The following ANKRD11 variants were observed in gnomAD, a reference collection of about 807,000 sequenced individuals.
ANKRD11 encodes the protein ankyrin repeat domain 11, also known as ankyrin repeat domain-containing protein 11.
ANKRD11 carries 17 observed loss-of-function variants against 195.7 expected under a neutral mutation model. The ratio of observed to expected loss-of-function variants is 0.09; its 90% CI spans 0.06 to 0.13. ANKRD11 has a LOEUF of 0.13. Ranked by LOEUF, ANKRD11 falls within the 10% of genes least tolerant of loss-of-function variation. The probability of loss-of-function intolerance (pLI) is 1.00; values close to 1 mark genes in which losing one functional copy is unlikely to be tolerated. For synonymous variants in ANKRD11, 1,953 were observed against 1,528.1 expected (o/e 1.28, Z -6.49); for missense variants, 3,735 against 3,566.1 (o/e 1.05, Z -1.21).
chr16:89,299,729 ATGCG>A (rs2035709640), intron 4 of ANKRD11: 1 of 40,722 alleles, frequency 2.5e-5, no homozygotes, highest in South Asian at 2.8e-4. Context: ...CCTGTGTGGG[ATGCG>A]TGGGGTCTGT....
At chr16:89,275,790 C>A (rs1597415266) in intron 9 of ANKRD11, among the ~76,000 whole-genome samples, 1 of 152,208 alleles carries the variant, frequency 6.6e-6, no homozygotes, top group African/African-American at 2.4e-5. Context: ...GGTGGGTCGG[C>A]CATTCTGAAA....
intron 2 of ANKRD11, among the ~76,000 whole-genome samples, chr16:89,342,443 T>A (rs58437408): frequency 0.048 from 7,379 of 152,280 alleles, 648 homozygotes; most frequent in African/African-American, 0.17. Context: ...TGGACCAGGT[T>A]TGCAAAGAAC....
intron 1 of ANKRD11, among the ~76,000 whole-genome samples, chr16:89,421,066 C>T (rs1346191752): frequency 6.6e-6 from 1 of 151,408 alleles, no homozygotes; most frequent in Non-Finnish European, 1.5e-5. Flanking sequence ...TGTGTGATGA[C>T]GGAGTCAGGG....
intron 2 of ANKRD11, chr16:89,339,761 A>T (rs1446746083): frequency 6.6e-6 from 1 of 152,222 alleles, no homozygotes; most frequent in Middle Eastern, 3.2e-3. Context: ...AAAATTACAA[A>T]TTACATAATG....
chr16:89,325,596 C>T (rs1032342017), intron 2 of ANKRD11, among the ~76,000 whole-genome samples: 4 of 152,270 alleles, frequency 2.6e-5, no homozygotes, highest in South Asian at 2.1e-4. Flanking sequence ...ACAAGACATC[C>T]GCGAAGCGTG....
chr16:89,425,036 G>C (rs958102341), intron 1 of ANKRD11, among the ~76,000 whole-genome samples: 9 of 151,132 alleles, frequency 6.0e-5, no homozygotes, highest in African/African-American at 2.2e-4. Flanking sequence ...AGTGTACAAA[G>C]GGCTCTCAAG....
intron 6 of ANKRD11, 75 bp downstream of exon 6, chr16:89,290,532 AGGGCTCCAATGGGGGGAG>A: frequency 7.6e-7 from 1 of 1,309,680 alleles, no homozygotes. Flanking sequence ...GGGGAGGCTC[AGGGCTCCAATGGGGGGAG>A]GCTCAGGACT....
At chr16:89,484,412 G>T (rs1360406779) in intron 1 of ANKRD11, among the ~76,000 whole-genome samples, 1 of 152,176 alleles carries the variant, frequency 6.6e-6, no homozygotes, top group South Asian at 2.1e-4. Context: ...TTAAACCAAA[G>T]TCTTCTTTGA....
intron 2 of ANKRD11, among the ~76,000 whole-genome samples, chr16:89,325,921 C>T (rs896216064): frequency 6.6e-6 from 1 of 152,168 alleles, no homozygotes; most frequent in Admixed American, 6.5e-5. Flanking sequence ...AGCATGACGA[C>T]GGAGCAGCTT....
intron 2 of ANKRD11, among the ~76,000 whole-genome samples, chr16:89,366,196 G>A (rs144479607): frequency 2.0e-5 from 3 of 150,888 alleles, no homozygotes; most frequent in African/African-American, 7.3e-5. Context: ...ATTCCACGGT[G>A]TATATGCACC....
intron 6 of ANKRD11, chr16:89,289,078 T>G (rs2034852057): frequency 6.7e-6 from 2 of 296,826 alleles, no homozygotes; most frequent in Admixed American, 4.8e-5. Flanking sequence ...GAGAGCCTCC[T>G]GAAGGCTGAA....
chr16:89,306,432 C>T (rs1217142970), intron 3 of ANKRD11, among the ~76,000 whole-genome samples: 2 of 53,788 alleles, frequency 3.7e-5, no homozygotes, highest in African/African-American at 8.9e-5. Flanking sequence ...TGCAGACACG[C>T]GCCACCTCCC....
Position 89,268,618 on chromosome 16 carries a change from C to T in ANKRD11, c.7852G>A (p.Ala2618Thr). The T allele has an allele frequency of 6.4e-7, 1 of 1,564,824 alleles. No individual in the cohort carries two copies. The highest frequency in any genetic ancestry group is 8.7e-7 in the Non-Finnish European group (1 of 1,154,992). The change falls in exon 13 of 13, where the codon GCC (alanine) becomes ACC (threonine). Residue 2618 changes from alanine (A) to threonine (T), a missense_variant. By Grantham distance (58) the Ala-to-Thr change is moderately conservative. Transcript: ENST00000301030. Reference protein sequence around the residue: ...RQQHEAAALNAVQRMEWQLKV... With the variant: ...RQQHEAAALNTVQRMEWQLKV... ...AGCTGCCACTCCATCCTCTGCACGG[C>T]GTTCAGGGCCGCGGCCTCGTGCTGC...
intron 2 of ANKRD11, chr16:89,324,570 A>C: frequency 2.2e-6 from 1 of 454,508 alleles, no homozygotes; most frequent in Non-Finnish European, 4.4e-6. Flanking sequence ...CGAACCCTCC[A>C]TCTGGGGGGG....
intron 1 of ANKRD11, among the ~76,000 whole-genome samples, chr16:89,467,835 C>G (rs547741742): frequency 9.2e-5 from 14 of 152,134 alleles, no homozygotes; most frequent in African/African-American, 3.1e-4. Context: ...ATGTCTCGCT[C>G]TGTTGCCCGG....
chr16:89,289,761 C>T (rs1303977657), intron 6 of ANKRD11, among the ~76,000 whole-genome samples: 1 of 152,232 alleles, frequency 6.6e-6, no homozygotes, highest in Non-Finnish European at 1.5e-5. Context: ...TACAGATAGG[C>T]CAGGCATGGG....
At position 89,339,490 on chromosome 16, in the gene ANKRD11, G is replaced by C. The variant is rs570453121; in HGVS notation, c.-59-22412C>G. 1.2e-4 allele frequency among the ~76,000 whole-genome samples: 18 copies of C among 152,338 alleles called. No homozygotes were observed. The South Asian group carries it at 3.5e-3, about 30-fold the overall frequency. ...TGCCCTGAGTGCACGCAGCGCATGT[G>C]AAGAGTCAGATATAAAGGTGGCTCT... On this transcript the variant is annotated intron_variant, in intron 2 of 12. Transcript: ENST00000301030.
At chr16:89,366,638 C>T (rs1279144167) in intron 2 of ANKRD11, among the ~76,000 whole-genome samples, 3 of 152,200 alleles carry the variant, frequency 2.0e-5, no homozygotes, top group Admixed American at 6.5e-5. Flanking sequence ...CCTTGGCTAA[C>T]CCGAGCTGTT....
chr16:89,339,346 C>G (rs2038541754), intron 2 of ANKRD11, among the ~76,000 whole-genome samples: 1 of 152,048 alleles, frequency 6.6e-6, no homozygotes, highest in African/African-American at 2.4e-5. Flanking sequence ...TGCTTGAAGG[C>G]TTACACTAGC....
Sources: allele counts gnomAD v4.1 joint callset (sites outside exome capture counted in the v4.1 genomes callset), GRCh38; gene constraint gnomAD v4.1.1; transcripts MANE v1.5; gene names NCBI Gene and HGNC (gene_info 2026-07-23, HGNC 2026-07-21).